The following GPR152 variants were observed in gnomAD, a reference collection of about 807,000 sequenced individuals.
The protein encoded by GPR152 is probable G protein-coupled receptor 152.
For missense variants in GPR152, 549 were observed against 617.2 expected (o/e 0.89, Z 1.17); for synonymous variants, 278 against 289.0 (o/e 0.96, Z 0.39).
Position 67,451,879 on chromosome 11 carries a change from G to A in GPR152, c.846C>T (p.Tyr282=). ...TGAGGCAGCTGTTGAGTAGGATCAGGTAGTCGGAGTAGACCAGGGCCTCCC... is the reference window on the plus strand; with the variant it reads ...TGAGGCAGCTGTTGAGTAGGATCAGATAGTCGGAGTAGACCAGGGCCTCCC... The part of the protein sequence containing the change: ...LLWEALVYSD[Y]LILLNSCLSP... The change falls in exon 1 of 1, where the codon TAC becomes TAT. Residue 282 remains tyrosine, a synonymous_variant. Transcript: ENST00000312457. 6.2e-7 allele frequency: 1 copy of A among 1,612,550 alleles called. No individual in the cohort carries two copies. The highest frequency in any genetic ancestry group is 8.5e-7 in the Non-Finnish European group (1 of 1,179,990).
Position 67,451,382 on chromosome 11 carries a change from G to A in GPR152, c.1343C>T (p.Pro448Leu). The change falls in exon 1 of 1, where the codon CCT becomes CTT. Residue 448 changes from proline to leucine, a missense_variant. Pro to Leu is a moderately conservative substitution (Grantham distance 98). Coordinates refer to ENST00000312457, the MANE Select transcript of GPR152 (RefSeq NM_206997.1). ...GGGGCTTTCTCCTTCAGAGGCAGGA[G>A]GTGTGGCTGGGTCCTCAAGGGCCCC... ...TPGALEDPAT[P>L]PASEGESPSS... is the part of the protein sequence containing the mutation. 6.2e-7 allele frequency: 1 copy of A among 1,611,452 alleles called. No individual in the cohort carries two copies.
chr11:67,452,299 G>A lies in GPR152; in HGVS notation c.426C>T (p.His142=). ...CCCAGAGGGGCAGGCGGACTGGGCG[G>A]TGCCCAGGGTACCAGTGTGGGCACA... The part of the protein sequence containing the change: ...LALCPHWYPG[H]RPVRLPLWVC... The change falls in exon 1 of 1, where the codon CAC becomes CAT. Residue 142 remains histidine (H), a synonymous_variant. Transcript: ENST00000312457. The A allele has an allele frequency of 3.1e-6, 5 of 1,609,438 alleles. No individual in the cohort carries two copies. Among genetic ancestry groups the A allele is most frequent in the Non-Finnish European group, 4.2e-6 (5 of 1,179,682 alleles).
Position 67,451,765 on chromosome 11 carries a change from C to G in GPR152, c.960G>C (p.Glu320Asp). The G allele has an allele frequency of 6.2e-7, 1 of 1,613,332 alleles. No homozygotes were observed. The highest frequency in any genetic ancestry group is 8.5e-7 in the Non-Finnish European group (1 of 1,180,036). The change falls in exon 1 of 1, where the codon GAG becomes GAC. Residue 320 changes from glutamate to aspartate, a missense_variant. Transcript: ENST00000312457. ...LSSFAAALCEERPGSFTPTEP... is the reference protein window; with the variant it reads ...LSSFAAALCEDRPGSFTPTEP... Reference sequence around the variant, plus strand: ...CAGTGGGCGTGAAGCTGCCCGGCCGCTCCTCGCAGAGAGCTGCCGCGAAGG... The same window carrying G: ...CAGTGGGCGTGAAGCTGCCCGGCCGGTCCTCGCAGAGAGCTGCCGCGAAGG...
chr11:67,451,452 G>A lies in GPR152; in HGVS notation c.1273C>T (p.Pro425Ser), dbSNP rs773247414. The change falls in exon 1 of 1, where the codon CCC (proline) becomes TCC (serine). Residue 425 changes from proline (P) to serine (S), a missense_variant. Transcript: ENST00000312457. ...GGGGTTGGGGAAGCTTCATCACAGG[G>A]ACTGGGCACAGAACTGGCAGCAGGT... ...PAPAASSVPS[P>S]CDEASPTPSS... The A allele has an allele frequency of 6.2e-7, 1 of 1,614,040 alleles. No homozygotes were observed. The highest frequency in any genetic ancestry group is 1.3e-5 in the African/African-American group (1 of 74,940).
Position 67,451,333 on chromosome 11 carries a change from G to C in GPR152, c.1392C>G (p.Ala464=). ...ESPSSTPPEA[A]PGAGPT Reference sequence around the variant, plus strand: ...ACCCTCACGTGGGGCCTGCGCCCGGGGCCGCCTCTGGCGGGGTGCTGCTGG... The same window carrying C: ...ACCCTCACGTGGGGCCTGCGCCCGGCGCCGCCTCTGGCGGGGTGCTGCTGG... Residue 464 remains alanine (A), a synonymous_variant, in exon 1 of 1, where the codon GCC becomes GCG. Transcript: ENST00000312457. 2 of 1,583,360 alleles carry C rather than the reference G, an allele frequency of 1.3e-6. No homozygotes were observed.
chr11:67,451,954 C>A lies in GPR152; in HGVS notation c.771G>T (p.Gln257His). The A allele has an allele frequency of 2.5e-6, 4 of 1,610,308 alleles. No individual in the cohort carries two copies. Among genetic ancestry groups the A allele is most frequent in the Non-Finnish European group, 3.4e-6 (4 of 1,179,998 alleles). The change falls in exon 1 of 1, where the codon CAG becomes CAT. Residue 257 changes from glutamine to histidine, a missense_variant. Coordinates refer to ENST00000312457, the MANE Select transcript of GPR152 (RefSeq NM_206997.1). Reference protein sequence around the residue: ...VVLRLPYQLAQLLYLAFLWDV... With the variant: ...VVLRLPYQLAHLLYLAFLWDV... ...CCCACAGGAAGGCCAGGTAGAGCAG[C>A]TGGGCCAGCTGGTAGGGCAGCCTCA...
rs1276789416 is a variant in GPR152 at position 67,452,167 on chromosome 11, C to G, written c.558G>C (p.Trp186Cys). 5 of 1,609,406 alleles carry G rather than the reference C, an allele frequency of 3.1e-6. No homozygotes were observed. Among genetic ancestry groups the G allele is most frequent in the African/African-American group, 1.3e-5 (1 of 74,910 alleles). Residue 186 changes from tryptophan to cysteine, a missense_variant, in exon 1 of 1, where the codon TGG becomes TGC. By Grantham distance (215) the Trp-to-Cys change is radical (BLOSUM62 -2). Coordinates refer to ENST00000312457, the MANE Select transcript of GPR152 (RefSeq NM_206997.1). ...WYDLVICLDF[W>C]DSEELSLRML... ...TCCTCAGCGACAGCTCCTCGCTGTCCCAGAAGTCCAGGCAGATGACCAGGT... is the reference window on the plus strand; with the variant it reads ...TCCTCAGCGACAGCTCCTCGCTGTCGCAGAAGTCCAGGCAGATGACCAGGT...
Position 67,451,678 on chromosome 11 carries a change from C to T in GPR152, c.1047G>A (p.Gln349=). ...PTLPEPMAEA[Q]SQMDPVAQPQ... is the part of the protein sequence containing the mutation. ...GCTGGGCCACAGGATCCATCTGTGA[C>T]TGGGCCTCTGCCATCGGCTCTGGCA... Residue 349 remains glutamine (Q), a synonymous_variant, in exon 1 of 1, where the codon CAG becomes CAA. Transcript: ENST00000312457. 6.2e-7 allele frequency: 1 copy of T among 1,613,964 alleles called. No homozygotes were observed. The highest frequency in any genetic ancestry group is 8.5e-7 in the Non-Finnish European group (1 of 1,180,032).
In GPR152 at chr11:67,451,789, G is replaced by A; in HGVS notation, c.936C>T (p.Ser312=). 6.2e-7 allele frequency: 1 copy of A among 1,613,398 alleles called. No homozygotes were observed. The highest frequency in any genetic ancestry group is 8.5e-7 in the Non-Finnish European group (1 of 1,180,022). ...GCTCCTCGCAGAGAGCTGCCGCGAA[G>A]GACGAGAGCACGGAGCGCAGCAGGG... ...LRTLLRSVLS[S]FAAALCEERP... The change falls in exon 1 of 1, where the codon TCC becomes TCT. Residue 312 remains serine (S), a synonymous_variant. Transcript: ENST00000312457.
rs772744548 is a variant in GPR152, at chr11:67,451,421, G to A, written c.1304C>T (p.Ser435Leu). Reference protein sequence around the residue: ...PCDEASPTPSSHPTPGALEDP... With the variant: ...PCDEASPTPSLHPTPGALEDP... ...CTCAAGGGCCCCTGGGGTAGGATGC[G>A]AGGATGGGGTTGGGGAAGCTTCATC... is the stretch of plus-strand genomic sequence containing the variant. Residue 435 changes from serine (S) to leucine (L), a missense_variant, in exon 1 of 1, where the codon TCG (serine) becomes TTG (leucine). Transcript: ENST00000312457. 1.1e-5 allele frequency: 18 copies of A among 1,613,884 alleles called. No individual in the cohort carries two copies. The highest frequency in any genetic ancestry group is 1.5e-5 in the Non-Finnish European group (18 of 1,179,906).
In GPR152 at chr11:67,452,068, G is replaced by A. The variant is rs767410193; in HGVS notation, c.657C>T (p.Ala219=). The change falls in exon 1 of 1, where the codon GCC becomes GCT. Residue 219 remains alanine, a synonymous_variant. Coordinates refer to ENST00000312457, the MANE Select transcript of GPR152 (RefSeq NM_206997.1). ...LVCHVLTQAT[A]CRTCHRQQQP... is the part of the protein sequence containing the mutation. ...GCTGTTGGCGGTGGCAGGTGCGACA[G>A]GCTGTGGCCTGGGTGAGCACGTGGC... 1.9e-6 allele frequency: 3 copies of A among 1,612,250 alleles called. No homozygotes were observed. Among genetic ancestry groups the A allele is most frequent in the South Asian group, 2.2e-5 (2 of 91,084 alleles).
rs774285725 is a variant in GPR152, at chr11:67,452,389, G to A, written c.336C>T (p.Gly112=). Reference sequence around the variant, plus strand: ...GGAAGAGGCCGGAGGAGTAGGACACGCCCCATAGGAAGTAGTAGAAGCGGC... The same window carrying A: ...GGAAGAGGCCGGAGGAGTAGGACACACCCCATAGGAAGTAGTAGAAGCGGC... ...AACRFYYFLW[G]VSYSSGLFLL... is the part of the protein sequence containing the mutation. The change falls in exon 1 of 1, where the codon GGC becomes GGT. Residue 112 remains glycine (G), a synonymous_variant. Coordinates refer to ENST00000312457, the MANE Select transcript of GPR152 (RefSeq NM_206997.1). 13 of 1,612,572 alleles carry A rather than the reference G, an allele frequency of 8.1e-6. No individual in the cohort carries two copies. The highest frequency in any genetic ancestry group is 6.7e-5 in the Admixed American group (4 of 59,960).
At position 67,451,963 on chromosome 11, in the gene GPR152, C is replaced by G. The variant is rs1864576168; in HGVS notation, c.762G>C (p.Gln254His). ...SAYVVLRLPYQLAQLLYLAFL... is the reference protein window; with the variant it reads ...SAYVVLRLPYHLAQLLYLAFL... The stretch of plus-strand genomic sequence containing the variant: ...AGGCCAGGTAGAGCAGCTGGGCCAG[C>G]TGGTAGGGCAGCCTCAGGACCACAT... The change falls in exon 1 of 1, where the codon CAG (glutamine) becomes CAC (histidine). Residue 254 changes from glutamine to histidine, a missense_variant. Transcript: ENST00000312457. 2 of 1,610,512 alleles carry G rather than the reference C, an allele frequency of 1.2e-6. No individual in the cohort carries two copies. Among genetic ancestry groups the G allele is most frequent in the Non-Finnish European group, 1.7e-6 (2 of 1,179,996 alleles).
At position 67,452,057 on chromosome 11, in the gene GPR152, C is replaced by A. The variant is rs1219869338; in HGVS notation, c.668G>T (p.Cys223Phe). 5 of 1,612,316 alleles carry A rather than the reference C, an allele frequency of 3.1e-6. No homozygotes were observed. Among genetic ancestry groups the A allele is most frequent in the Non-Finnish European group, 4.2e-6 (5 of 1,179,828 alleles). ...VLTQATACRT[C>F]HRQQQPAACR... ...GGCTGCGGGCTGCTGTTGGCGGTGG[C>A]AGGTGCGACAGGCTGTGGCCTGGGT... The change falls in exon 1 of 1, where the codon TGC (cysteine) becomes TTC (phenylalanine). Residue 223 changes from cysteine to phenylalanine, a missense_variant. Physicochemically the swap from Cys to Phe is radical, Grantham distance 205. Coordinates refer to ENST00000312457, the MANE Select transcript of GPR152 (RefSeq NM_206997.1).
Position 67,451,481 on chromosome 11 carries a change from G to A in GPR152, c.1244C>T (p.Pro415Leu). Residue 415 changes from proline (P) to leucine (L), a missense_variant, in exon 1 of 1, where the codon CCT (proline) becomes CTT (leucine). By Grantham distance (98) the Pro-to-Leu change is moderately conservative. Coordinates refer to ENST00000312457, the MANE Select transcript of GPR152 (RefSeq NM_206997.1). ...GGGCACAGAACTGGCAGCAGGTGCA[G>A]GGGTCTGGACGTTAGTGTCTGCCTG... is the stretch of plus-strand genomic sequence containing the variant. ...QPQADTNVQT[P>L]APAASSVPSP... 1 of 1,614,220 alleles carries A rather than the reference G, an allele frequency of 6.2e-7. No homozygotes were observed.
rs949251 is a variant in GPR152, at chr11:67,451,531, T to C, written c.1194A>G (p.Pro398=). Residue 398 remains proline (P), a synonymous_variant, in exon 1 of 1, where the codon CCA becomes CCG. Transcript: ENST00000312457. ...GTGGCTGGGCCACAGAATCTGACTG[T>C]GGCTGGGCCATGAGGTTCAGCTGTG... is the stretch of plus-strand genomic sequence containing the variant. The part of the protein sequence containing the change: ...AQPQLNLMAQ[P]QSDSVAQPQA... 35,224 of 1,613,852 alleles carry C rather than the reference T, an allele frequency of 0.022. 6,183 individuals are homozygous for C. The African/African-American group carries it at 0.4, about 18-fold the overall frequency.
In GPR152 at chr11:67,452,027, C is replaced by G; in HGVS notation, c.698G>C (p.Arg233Pro). 2 of 1,612,104 alleles carry G rather than the reference C, an allele frequency of 1.2e-6. No homozygotes were observed. The highest frequency in any genetic ancestry group is 8.5e-7 in the Non-Finnish European group (1 of 1,179,824). ...GGTCCTGGCCACACGGGCGAAGCCC[C>G]GGCAGGCTGCGGGCTGCTGTTGGCG... Reference protein sequence around the residue: ...CHRQQQPAACRGFARVARTIL... With the variant: ...CHRQQQPAACPGFARVARTIL... Residue 233 changes from arginine (R) to proline (P), a missense_variant, in exon 1 of 1, where the codon CGG becomes CCG. Coordinates refer to ENST00000312457, the MANE Select transcript of GPR152 (RefSeq NM_206997.1).
In GPR152 at chr11:67,452,042, T is replaced by C. The variant is rs575121766; in HGVS notation, c.683A>G (p.Gln228Arg). The C allele has an allele frequency of 3.1e-6, 5 of 1,612,434 alleles. No individual in the cohort carries two copies. The Admixed American group carries it at 6.7e-5, about 21-fold the overall frequency. ...TACRTCHRQQ[Q>R]PAACRGFARV... ...GGCGAAGCCCCGGCAGGCTGCGGGC[T>C]GCTGTTGGCGGTGGCAGGTGCGACA... The change falls in exon 1 of 1, where the codon CAG becomes CGG. Residue 228 changes from glutamine to arginine, a missense_variant. Transcript: ENST00000312457.
rs373301479 is a variant in GPR152 at position 67,451,614 on chromosome 11, T to C, written c.1111A>G (p.Thr371Ala). 5.6e-6 allele frequency: 9 copies of C among 1,613,624 alleles called. No homozygotes were observed. Among genetic ancestry groups the C allele is most frequent in the South Asian group, 1.1e-5 (1 of 91,076 alleles). Residue 371 changes from threonine to alanine, a missense_variant, in exon 1 of 1, where the codon ACA (threonine) becomes GCA (alanine). Thr to Ala is a moderately conservative substitution (Grantham distance 58). Transcript: ENST00000312457. ...NPTLQPRSDPTAQPQLNPTAQ... is the reference protein window; with the variant it reads ...NPTLQPRSDPAAQPQLNPTAQ... ...GTAGGGTTCAGCTGTGGCTGAGCTG[T>C]GGGATCCGATCGTGGCTGGAGTGTG...
Sources: gnomAD v4.1 joint callset for allele counts on GRCh38, gnomAD v4.1.1 for gene constraint, MANE v1.5 for transcripts, NCBI Gene and HGNC (gene_info 2026-07-23, HGNC 2026-07-21) for gene names.